TRPM6: variants seen among roughly 807,000 people sequenced by gnomAD.
The protein encoded by TRPM6 is transient receptor potential cation channel subfamily M member 6, also known as channel kinase 2.
A neutral mutation model predicts 247.6 loss-of-function variants in TRPM6; 111 were observed. The observed-to-expected ratio is 0.45, with a 90% confidence interval of 0.38 to 0.52. The LOEUF is 0.52. Ranked by LOEUF, TRPM6 falls within the 20% of genes least tolerant of loss-of-function variation. The probability of loss-of-function intolerance (pLI) is 0.00; values close to 1 mark genes in which losing one functional copy is unlikely to be tolerated. For synonymous variants in TRPM6, 892 were observed against 853.8 expected, an observed-to-expected ratio of 1.04 and a Z score of -0.78; for missense variants, 2,126 against 2,421.5, an observed-to-expected ratio of 0.88 and a Z score of 2.56.
At chr9:74,826,472 A>G (rs1242282115) in intron 7 of TRPM6, among the ~76,000 whole-genome samples, 1 of 152,144 alleles carries the variant, frequency 6.6e-6, no homozygotes, top group Non-Finnish European at 1.5e-5. Flanking sequence ...TATTTTGTGG[A>G]AGATTTAATT....
rs542601704 is a variant in TRPM6 at position 74,761,783 on chromosome 9, C to T, written c.4698G>A (p.Gly1566=). ...IKNLSGSSEI[G]QGAWVKAKML... is the part of the protein sequence containing the mutation. ...TTTTCGCTTTGACCCATGCTCCCTGCCCTATTTCTGAAGAGCCTGAAAGAT... is the reference window on the plus strand; with the variant it reads ...TTTTCGCTTTGACCCATGCTCCCTGTCCTATTTCTGAAGAGCCTGAAAGAT... Residue 1566 remains glycine (G), a synonymous_variant, in exon 27 of 39, where the codon GGG becomes GGA. Coordinates refer to ENST00000360774, the MANE Select transcript of TRPM6 (RefSeq NM_017662.5). 11 of 1,613,866 alleles carry T rather than the reference C, an allele frequency of 6.8e-6. No homozygotes were observed. The highest frequency in any genetic ancestry group is 5.5e-5 in the South Asian group (5 of 91,066).
intron 16 of TRPM6, 51 bp from the exon 17 acceptor site, chr9:74,800,533 A>G (rs1420736565): frequency 8.1e-7 from 1 of 1,231,908 alleles, no homozygotes; most frequent in Non-Finnish European, 1.2e-6. Context: ...AGAGAGCTGC[A>G]TTATTAGAAA....
chr9:74,763,172 T>TA (rs1366986724), intron 25 of TRPM6, 38 bp from the exon 26 acceptor site: 1 of 1,592,212 alleles, frequency 6.3e-7, no homozygotes, highest in Non-Finnish European at 8.5e-7. Flanking sequence ...ACAAGCACAT[T>TA]AAGCCAGTGG....
At chr9:74,756,209 C>G (rs1213939126) in intron 27 of TRPM6, among the ~76,000 whole-genome samples, 2 of 152,040 alleles carry the variant, frequency 1.3e-5, no homozygotes, top group Non-Finnish European at 2.9e-5. Flanking sequence ...GGCATTTTTC[C>G]TGAAAGAACA....
intron 7 of TRPM6, among the ~76,000 whole-genome samples, chr9:74,826,026 G>C (rs1051115316): frequency 6.6e-6 from 1 of 151,640 alleles, no homozygotes; most frequent in Non-Finnish European, 1.5e-5. Context: ...TTAAGTGAAC[G>C]ACCACAATTC....
At chr9:74,846,782 C>T (rs1388951724) in intron 3 of TRPM6, among the ~76,000 whole-genome samples, 1 of 152,190 alleles carries the variant, frequency 6.6e-6, no homozygotes, top group Non-Finnish European at 1.5e-5. Flanking sequence ...CTGCTGACCT[C>T]AGGTGATCCA....
intron 19 of TRPM6, among the ~76,000 whole-genome samples, chr9:74,791,774 G>A (rs1022254258): frequency 7.9e-5 from 12 of 151,544 alleles, no homozygotes; most frequent in East Asian, 1.9e-4. Context: ...TCTTTTTTTT[G>A]AGATGGGGTC....
At position 74,756,665 on chromosome 9, in the gene TRPM6, A is replaced by G. The variant is rs911429725; in HGVS notation, c.4786-1192T>C. ...TTAAGAACCAGCCTGGACAACATGA[A>G]GAAACCCCGTCTCTACAAAAAAAAA... is the stretch of plus-strand genomic sequence containing the variant. On this transcript the variant is annotated intron_variant, in intron 27 of 38. Transcript: ENST00000360774. Among the ~76,000 whole-genome samples the G allele has an allele frequency of 2.2e-5, 3 of 133,892 alleles. No homozygotes were observed. In the South Asian group the frequency reaches 7.3e-4, roughly 33 times the overall value. 87.8% of individuals were successfully genotyped at this position (133,892 alleles called of 152,430 possible).
intron 18 of TRPM6, 95 bp downstream of exon 18, chr9:74,796,635 CATAACTTTTGT>C: frequency 8.5e-7 from 1 of 1,178,674 alleles, no homozygotes; most frequent in Non-Finnish European, 1.3e-6. Context: ...ATATAGGCAA[CATAACTTTTGT>C]TTAATAGATG....
chr9:74,853,316 T>TG (rs1377080543), intron 3 of TRPM6, among the ~76,000 whole-genome samples: 3 of 151,398 alleles, frequency 2.0e-5, no homozygotes, highest in South Asian at 2.1e-4. Flanking sequence ...TCCGGGAGGT[T>TG]GGGGGGCGCC....
At chr9:74,806,405 C>T (rs1388818353) in intron 14 of TRPM6, among the ~76,000 whole-genome samples, 4 of 152,120 alleles carry the variant, frequency 2.6e-5, no homozygotes, top group East Asian at 1.9e-4. Flanking sequence ...GGATTACAGG[C>T]GTGAGCCACC....
chr9:74,862,711 G>T (rs1830725995), intron 1 of TRPM6, among the ~76,000 whole-genome samples: 1 of 152,176 alleles, frequency 6.6e-6, no homozygotes, highest in Admixed American at 6.5e-5. Flanking sequence ...TCCGGGTGTG[G>T]TGGCTCACGC....
chr9:74,784,937 C>T (rs1363932789), intron 21 of TRPM6, among the ~76,000 whole-genome samples: 1 of 151,990 alleles, frequency 6.6e-6, no homozygotes, highest in Non-Finnish European at 1.5e-5. Flanking sequence ...CATAGTGGGA[C>T]CCTGTCTATA....
chr9:74,775,255 T>A (rs929324301), intron 24 of TRPM6, among the ~76,000 whole-genome samples: 16 of 152,298 alleles, frequency 1.1e-4, no homozygotes, highest in Non-Finnish European at 1.8e-4. Context: ...ACAGGCATGA[T>A]CATGGTGCAC....
At chr9:74,779,632 A>G (rs1156532054) in intron 23 of TRPM6, among the ~76,000 whole-genome samples, 1 of 152,110 alleles carries the variant, frequency 6.6e-6, no homozygotes, top group African/African-American at 2.4e-5. Flanking sequence ...TCTTCCCATT[A>G]CTTCACTTGG....
At chr9:74,769,057 C>T (rs1826924205) in intron 25 of TRPM6, among the ~76,000 whole-genome samples, 1 of 152,188 alleles carries the variant, frequency 6.6e-6, no homozygotes, top group Admixed American at 6.5e-5. Context: ...TCATTGTACT[C>T]TTACTATGAG....
At chr9:74,746,795 G>C (rs1005062516) in intron 31 of TRPM6, among the ~76,000 whole-genome samples, 2 of 149,002 alleles carry the variant, frequency 1.3e-5, no homozygotes, top group Non-Finnish European at 1.5e-5. Flanking sequence ...GGCAGGAGCA[G>C]TAGGGTAGAC....
At chr9:74,839,110 CAAAA>C (rs1041936045) in intron 5 of TRPM6, among the ~76,000 whole-genome samples, 1 of 62,982 alleles carries the variant, frequency 1.6e-5, no homozygotes, top group African/African-American at 4.8e-5. Flanking sequence ...GACTTCATCT[CAAAA>C]AAAAAAAAAA....
chr9:74,864,702 A>T (rs1830789466), intron 1 of TRPM6, among the ~76,000 whole-genome samples: 2 of 152,184 alleles, frequency 1.3e-5, no homozygotes, highest in Non-Finnish European at 2.9e-5. Flanking sequence ...AATTCCCTAA[A>T]ACGCCATTTC....
Sources: allele counts gnomAD v4.1 joint callset (sites outside exome capture counted in the v4.1 genomes callset), GRCh38; gene constraint gnomAD v4.1.1; transcripts MANE v1.5; gene names NCBI Gene and HGNC (gene_info 2026-07-23, HGNC 2026-07-21).